The following FAF1 variants were observed in gnomAD, a reference collection of about 807,000 sequenced individuals.
The protein encoded by FAF1 is FAS-associated factor 1.
Under a neutral mutation model 92.5 loss-of-function variants are expected in FAF1, and 25 were observed. The observed-to-expected ratio is 0.27, with a 90% CI of 0.20 to 0.38. FAF1 has a LOEUF of 0.38. Among genes scored for constraint, FAF1 ranks in the 10% least tolerant of loss-of-function variants. The pLI is 1.00. For synonymous variants in FAF1, 234 were observed against 273.2 expected, an observed-to-expected ratio of 0.86 and a Z score of 1.42; for missense variants, 636 against 793.3, an observed-to-expected ratio of 0.80 and a Z score of 2.38.
chr1:50,839,113 T>C (rs374543486), intron 2 of FAF1, among the ~76,000 whole-genome samples: 4 of 152,062 alleles, frequency 2.6e-5, no homozygotes, highest in South Asian at 2.1e-4. Flanking sequence ...AATAAATATA[T>C]GTTTATTATA....
chr1:50,814,590 CATT>C (rs1165361294), intron 2 of FAF1, among the ~76,000 whole-genome samples: 1 of 152,108 alleles, frequency 6.6e-6, no homozygotes, highest in Non-Finnish European at 1.5e-5. Context: ...ATCTCAAAAA[CATT>C]ATGCTAAGCG....
At chr1:50,843,362 C>A (rs1644271681) in intron 2 of FAF1, among the ~76,000 whole-genome samples, 1 of 152,090 alleles carries the variant, frequency 6.6e-6, no homozygotes, top group Non-Finnish European at 1.5e-5. Context: ...TTGGGATAAC[C>A]ATCACCTCAA....
chr1:50,833,260 C>T (rs920625382), intron 2 of FAF1, among the ~76,000 whole-genome samples: 7 of 152,078 alleles, frequency 4.6e-5, no homozygotes, highest in African/African-American at 1.7e-4. Context: ...GTCTCCACAA[C>T]CCCCTCCTGA....
chr1:50,922,475 A>AG (rs1200096289), intron 1 of FAF1, among the ~76,000 whole-genome samples: 8 of 147,166 alleles, frequency 5.4e-5, no homozygotes, highest in African/African-American at 1.3e-4. Flanking sequence ...AAAAAAAAAA[A>AG]AAAAAAAGAA....
chr1:50,667,853 T>C (rs1482514188), intron 7 of FAF1, among the ~76,000 whole-genome samples: 1 of 152,222 alleles, frequency 6.6e-6, no homozygotes, highest in Non-Finnish European at 1.5e-5. Context: ...GTTAATGCTT[T>C]TGGCAAAGAA....
intron 2 of FAF1, among the ~76,000 whole-genome samples, chr1:50,816,043 AT>A (rs202037620): frequency 4.0e-5 from 6 of 150,886 alleles, no homozygotes; most frequent in East Asian, 3.9e-4. Flanking sequence ...AAAAAAAAAA[AT>A]TTTAAAAAAG....
intron 8 of FAF1, among the ~76,000 whole-genome samples, chr1:50,642,627 C>T (rs971562133): frequency 6.6e-6 from 1 of 151,610 alleles, no homozygotes; most frequent in African/African-American, 2.4e-5. Context: ...CCAGCCTGGG[C>T]GACAGAGTGA....
chr1:50,561,882 G>A (rs12116800), intron 13 of FAF1, among the ~76,000 whole-genome samples: 2,611 of 145,168 alleles, frequency 0.018, 96 homozygotes, highest in African/African-American at 0.07. Context: ...AGGAAGGAAG[G>A]AAGGAAGGAA....
intron 8 of FAF1, among the ~76,000 whole-genome samples, chr1:50,625,464 TG>T (rs775649141): frequency 6.6e-6 from 1 of 152,240 alleles, no homozygotes; most frequent in African/African-American, 2.4e-5. Context: ...TTTACCAATG[TG>T]GTTAAGTCCC....
chr1:50,930,214 T>C (rs1360909312), intron 1 of FAF1, among the ~76,000 whole-genome samples: 1 of 152,190 alleles, frequency 6.6e-6, no homozygotes, highest in African/African-American at 2.4e-5. Context: ...TTAATGACAT[T>C]TTAATACATC....
intron 4 of FAF1, among the ~76,000 whole-genome samples, chr1:50,762,519 CCTCAGAAATAACACCACATAT>C (rs1660370065): frequency 6.6e-6 from 1 of 151,714 alleles, no homozygotes; most frequent in Non-Finnish European, 1.5e-5. Flanking sequence ...AGAACAGAGC[CCTCAGAAATAACACCACATAT>C]CTACAACTAT....
intron 5 of FAF1, among the ~76,000 whole-genome samples, chr1:50,740,725 C>T (rs1659349380): frequency 6.6e-6 from 1 of 152,050 alleles, no homozygotes; most frequent in South Asian, 2.1e-4. Flanking sequence ...TGGCAATTAC[C>T]TATAACTTTA....
At chr1:50,658,765 G>A (rs1655242053) in intron 7 of FAF1, among the ~76,000 whole-genome samples, 1 of 152,236 alleles carries the variant, frequency 6.6e-6, no homozygotes, top group Admixed American at 6.5e-5. Context: ...TTAGGCTAAT[G>A]TTTGATTGTT....
At chr1:50,573,592 C>A (rs551278940) in intron 12 of FAF1, among the ~76,000 whole-genome samples, 8 of 152,238 alleles carry the variant, frequency 5.3e-5, no homozygotes, top group African/African-American at 1.9e-4. Context: ...AAACTTAGCC[C>A]TGTTTAGCTC....
intron 18 of FAF1, among the ~76,000 whole-genome samples, chr1:50,460,899 T>C (rs1171102451): frequency 6.6e-6 from 1 of 152,164 alleles, no homozygotes; most frequent in African/African-American, 2.4e-5. Context: ...GCCTTCCTTC[T>C]GTCTTGGCCT....
chr1:50,736,738 C>T (rs893504984), intron 6 of FAF1, among the ~76,000 whole-genome samples: 6 of 149,760 alleles, frequency 4.0e-5, no homozygotes, highest in South Asian at 4.2e-4. Context: ...GCAACAAGAG[C>T]GAAACTCCGT....
chr1:50,607,589 C>A (rs180908240), intron 8 of FAF1, among the ~76,000 whole-genome samples: 1 of 152,164 alleles, frequency 6.6e-6, no homozygotes, highest in African/African-American at 2.4e-5. Flanking sequence ...TTTCCCTCAC[C>A]ATTCTTTTCC....
At chr1:50,597,298 C>T (rs1651867444) in intron 8 of FAF1, among the ~76,000 whole-genome samples, 1 of 152,162 alleles carries the variant, frequency 6.6e-6, no homozygotes, top group African/African-American at 2.4e-5. Context: ...AGCCCACTGT[C>T]ACCTTATATT....
At chr1:50,922,034 C>T (rs554599993) in intron 1 of FAF1, among the ~76,000 whole-genome samples, 15 of 151,790 alleles carry the variant, frequency 9.9e-5, no homozygotes, top group South Asian at 4.2e-4. Context: ...GGCATGGTGG[C>T]GTGCACCTGT....
Sources: gnomAD v4.1 joint callset for allele counts (sites outside exome capture counted in the v4.1 genomes callset) on GRCh38, gnomAD v4.1.1 for gene constraint, MANE v1.5 for transcripts, NCBI Gene and HGNC (gene_info 2026-07-23, HGNC 2026-07-21) for gene names.